Variants in ZFYVE1 observed in about 807,000 individuals in gnomAD.
ZFYVE1 encodes the protein zinc finger FYVE-type containing 1.
ZFYVE1 carries 30 observed loss-of-function variants against 74.4 expected under a neutral mutation model. The observed-to-expected ratio is 0.40, with a 90% confidence interval of 0.30 to 0.55. The LOEUF (loss-of-function observed/expected upper bound fraction) is 0.55, where lower values mean the gene tolerates loss of function less well. Ranked by LOEUF, ZFYVE1 falls within the 20% of genes least tolerant of loss-of-function variation. The pLI is 0.42. For missense variants in ZFYVE1, 703 were observed against 1,011.6 expected (o/e 0.69, Z 4.14); for synonymous variants, 335 against 385.1 (o/e 0.87, Z 1.52).
At chr14:72,985,665 A>C (rs116622700) in intron 4 of ZFYVE1, among the ~76,000 whole-genome samples, 2,171 of 152,072 alleles carry the variant, frequency 0.014, 44 homozygotes, top group African/African-American at 0.047. Context: ...ATGATACAGA[A>C]AGAAAAAAAG....
At chr14:73,019,887 G>A (rs182770436) in intron 2 of ZFYVE1, among the ~76,000 whole-genome samples, 2 of 151,224 alleles carry the variant, frequency 1.3e-5, no homozygotes, top group African/African-American at 4.9e-5. Context: ...GGAGACGGAG[G>A]TTGCAGTGAG....
chr14:72,981,944 G>A (rs372623734), intron 4 of ZFYVE1, 49 bp from the exon 5 acceptor site: 24 of 1,488,294 alleles, frequency 1.6e-5, no homozygotes, highest in Middle Eastern at 2.1e-4. Context: ...AGAGAGCTCC[G>A]CACTTTGGCC....
intron 4 of ZFYVE1, chr14:72,987,063 A>G (rs1297291593): frequency 1.6e-6 from 1 of 612,244 alleles, no homozygotes; most frequent in East Asian, 1.4e-4. Flanking sequence ...TGCCTTGACA[A>G]CAGTGTGGCT....
chr14:73,003,302 C>G (rs1160166199), intron 2 of ZFYVE1, among the ~76,000 whole-genome samples: 1 of 152,058 alleles, frequency 6.6e-6, no homozygotes, highest in Non-Finnish European at 1.5e-5. Flanking sequence ...AGGTGATCTG[C>G]CTCTCCACCT....
rs1892996708 is a variant in ZFYVE1 at position 72,970,265 on chromosome 14, T to C, written c.*617A>G. On this transcript the variant is annotated 3_prime_UTR_variant, in exon 12 of 12. Coordinates refer to ENST00000556143, the MANE Select transcript of ZFYVE1 (RefSeq NM_021260.4). ...CCTGCACGCTAAGTTGGGTGGTCTC[T>C]GACTAAAACAGGCTTAAGCCAAGAA... 1.8e-5 allele frequency: 3 copies of C among 165,364 alleles called. No individual in the cohort carries two copies. In the South Asian group the frequency reaches 4.5e-4, roughly 25 times the overall value. 10.2% of individuals were successfully genotyped at this position (165,364 alleles called of 1,614,324 possible).
At chr14:73,006,777 G>A (rs920451131) in intron 2 of ZFYVE1, among the ~76,000 whole-genome samples, 106 of 128,076 alleles carry the variant, frequency 8.3e-4, no homozygotes, top group Middle Eastern at 4.6e-3. Flanking sequence ...GTGCAGTGCC[G>A]CAATCTTGGG....
intron 3 of ZFYVE1, among the ~76,000 whole-genome samples, chr14:72,996,196 A>C (rs1285936230): frequency 6.6e-6 from 1 of 152,136 alleles, no homozygotes; most frequent in East Asian, 1.9e-4. Flanking sequence ...TAGGAGTTAA[A>C]GTGATGGCAC....
intron 4 of ZFYVE1, among the ~76,000 whole-genome samples, chr14:72,992,614 T>TGGGGG (rs1893639948): frequency 9.9e-6 from 1 of 101,494 alleles, no homozygotes; most frequent in East Asian, 2.4e-4. Flanking sequence ...CCCATTCAGG[T>TGGGGG]GCCCCCCCCG....
At chr14:73,019,728 T>G (rs1052875203) in intron 2 of ZFYVE1, among the ~76,000 whole-genome samples, 1 of 139,526 alleles carries the variant, frequency 7.2e-6, no homozygotes, top group African/African-American at 2.7e-5. Flanking sequence ...CCAAGGCAGG[T>G]GGATCATGAG....
Position 72,997,860 on chromosome 14 carries a change from A to G in ZFYVE1, c.939T>C (p.Pro313=), listed in dbSNP as rs147275132. The G allele has an allele frequency of 1.2e-6, 2 of 1,610,322 alleles. No homozygotes were observed. The highest frequency in any genetic ancestry group is 1.3e-5 in the African/African-American group (1 of 74,846). Residue 313 remains proline, a synonymous_variant, in exon 3 of 12, where the codon CCT becomes CCC. Transcript: ENST00000556143. ...GLDVPLSTLG[P]AVIIFHETVH... ...CGGTCTCATGGAAGATGATAACTGC[A>G]GGGCCCAGTGTGGATAAAGGGACAT... is the stretch of plus-strand genomic sequence containing the variant.
rs1445766577 is a variant in ZFYVE1 at position 73,024,011 on chromosome 14, T to C, written c.483+15A>G. On this transcript the variant is annotated intron_variant, in intron 2 of 11. Coordinates refer to ENST00000556143, the MANE Select transcript of ZFYVE1 (RefSeq NM_021260.4). ...GCTCCACTACACATGAATCCCACTA[T>C]ACCCGTGTGCTTACCTGAATTTCTT... 6 of 1,611,480 alleles carry C rather than the reference T, an allele frequency of 3.7e-6. No homozygotes were observed. The highest frequency in any genetic ancestry group is 1.7e-5 in the Admixed American group (1 of 59,860).
chr14:72,999,511 C>A lies in ZFYVE1; in HGVS notation c.484-1196G>T, dbSNP rs181695251. On this transcript the variant is annotated intron_variant, in intron 2 of 11. Coordinates refer to ENST00000556143, the MANE Select transcript of ZFYVE1 (RefSeq NM_021260.4). ...CTGAGGTGGGAAGATGGCTCAAGCCCAGGAGTTGGAGGTTACAGTGAACTG... is the reference window on the plus strand; with the variant it reads ...CTGAGGTGGGAAGATGGCTCAAGCCAAGGAGTTGGAGGTTACAGTGAACTG... Among the ~76,000 whole-genome samples the A allele has an allele frequency of 1.3e-3, 202 of 151,750 alleles. 1 individual carries two copies. The highest frequency in any genetic ancestry group is 2.4e-3 in the Non-Finnish European group (163 of 67,946).
intron 2 of ZFYVE1, among the ~76,000 whole-genome samples, chr14:73,023,197 A>ATATAT (rs1567366550): frequency 7.3e-6 from 1 of 137,624 alleles, no homozygotes; most frequent in African/African-American, 2.7e-5. Context: ...TATATATTTT[A>ATATAT]TATATGTTTT....
intron 2 of ZFYVE1, among the ~76,000 whole-genome samples, chr14:73,010,912 G>C (rs902737098): frequency 4.6e-5 from 7 of 151,604 alleles, no homozygotes; most frequent in Admixed American, 2.0e-4. Context: ...GTGTTACGTG[G>C]ATACTGCATG....
At position 72,997,974 on chromosome 14, in the gene ZFYVE1, G is replaced by C. The variant is rs368948888; in HGVS notation, c.825C>G (p.Asp275Glu). The C allele has an allele frequency of 6.2e-7, 1 of 1,614,138 alleles. No individual in the cohort carries two copies. The highest frequency in any genetic ancestry group is 8.5e-7 in the Non-Finnish European group (1 of 1,180,022). ...YRTHADRLHN[D>E]LFKFLGDASE... ...AGGCATCCCCAAGGAATTTGAAGAGGTCGTTATGCAGCCGGTCTGCATGAG... is the reference window on the plus strand; with the variant it reads ...AGGCATCCCCAAGGAATTTGAAGAGCTCGTTATGCAGCCGGTCTGCATGAG... Residue 275 changes from aspartate (D) to glutamate (E), a missense_variant, in exon 3 of 12, where the codon GAC (aspartate) becomes GAG (glutamate). Asp to Glu is a conservative substitution (Grantham distance 45, BLOSUM62 2). Coordinates refer to ENST00000556143, the MANE Select transcript of ZFYVE1 (RefSeq NM_021260.4).
chr14:72,976,597 A>G (rs1012569112), intron 8 of ZFYVE1, among the ~76,000 whole-genome samples: 5 of 152,030 alleles, frequency 3.3e-5, no homozygotes. Flanking sequence ...ATCCTGGCCA[A>G]CATGGTGAAA....
intron 2 of ZFYVE1, among the ~76,000 whole-genome samples, chr14:73,005,872 G>C (rs140190154): frequency 1.3e-4 from 20 of 152,144 alleles, no homozygotes; most frequent in African/African-American, 4.3e-4. Context: ...TACCTAAAAT[G>C]AAAGAGCTCA....
At chr14:72,974,694 G>A in intron 10 of ZFYVE1, 85 bp downstream of exon 10, 1 of 1,480,854 alleles carries the variant, frequency 6.8e-7, no homozygotes, top group Non-Finnish European at 9.1e-7. Flanking sequence ...GTGGATTAGG[G>A]CATCTGGATA....
In ZFYVE1 at chr14:73,024,528, C is replaced by T; in HGVS notation, c.-20G>A. On this transcript the variant is annotated 5_prime_UTR_variant, in exon 2 of 12. Transcript: ENST00000556143. Reference sequence around the variant, plus strand: ...ACTCATACTCACGCTGGTAAGGAAACACACCCACCATATAATAGTCACTGA... The same window carrying T: ...ACTCATACTCACGCTGGTAAGGAAATACACCCACCATATAATAGTCACTGA... 1 of 1,574,018 alleles carries T rather than the reference C, an allele frequency of 6.4e-7. No individual in the cohort carries two copies.
Sources: allele counts gnomAD v4.1 joint callset (sites outside exome capture counted in the v4.1 genomes callset), GRCh38; gene constraint gnomAD v4.1.1; transcripts MANE v1.5; gene names NCBI Gene and HGNC (gene_info 2026-07-23, HGNC 2026-07-21).